CSMD1: variants seen among roughly 807,000 people sequenced by gnomAD.
CSMD1 encodes CUB and sushi domain-containing protein 1.
Under a neutral mutation model 417.5 loss-of-function variants are expected in CSMD1, and 213 were observed. That is an observed-to-expected ratio of 0.51 (90% CI 0.46 to 0.57). The LOEUF (loss-of-function observed/expected upper bound fraction) is 0.57, where lower values mean the gene tolerates loss of function less well. CSMD1 is among the 20% of genes least tolerant of loss of function. The probability of loss-of-function intolerance (pLI) is 0.00; values close to 1 mark genes in which losing one functional copy is unlikely to be tolerated. For missense variants in CSMD1, 6,923 were observed against 4,529.7 expected (o/e 1.53, Z -15.17); for synonymous variants, 2,862 against 1,736.8 (o/e 1.65, Z -16.11).
At chr8:3,493,318 G>A (rs1271088753) in intron 11 of CSMD1, among the ~76,000 whole-genome samples, 2 of 149,482 alleles carry the variant, frequency 1.3e-5, no homozygotes, top group African/African-American at 2.5e-5. Flanking sequence ...AAAAAGGGGG[G>A]GCGGAGGGGT....
intron 39 of CSMD1, among the ~76,000 whole-genome samples, chr8:3,155,157 C>T (rs1442439699): frequency 6.6e-6 from 1 of 151,876 alleles, no homozygotes; most frequent in Non-Finnish European, 1.5e-5. Context: ...TACAAAGTGA[C>T]AGCAAAGGCA....
chr8:4,694,512 T>C (rs184492722), intron 1 of CSMD1, among the ~76,000 whole-genome samples: 1 of 151,906 alleles, frequency 6.6e-6, no homozygotes, highest in Non-Finnish European at 1.5e-5. Context: ...TGTGTCACCA[T>C]GCCAGGCTAA....
chr8:4,031,531 T>G (rs1183002090), intron 4 of CSMD1, among the ~76,000 whole-genome samples: 1 of 152,192 alleles, frequency 6.6e-6, no homozygotes, highest in Non-Finnish European at 1.5e-5. Context: ...CATGTGGGAA[T>G]TGTGGGAACT....
intron 26 of CSMD1, among the ~76,000 whole-genome samples, 193 bp downstream of exon 26, chr8:3,283,951 C>T (rs1023822865): frequency 2.6e-5 from 4 of 152,240 alleles, no homozygotes; most frequent in East Asian, 1.9e-4. Context: ...CTTCTGTTAT[C>T]GTGGCCTCAG....
chr8:3,007,952 G>A (rs1446075369), intron 52 of CSMD1, among the ~76,000 whole-genome samples: 1 of 151,944 alleles, frequency 6.6e-6, no homozygotes, highest in Admixed American at 6.6e-5. Context: ...AAAAAAGAAA[G>A]CTTTGTTACT....
At chr8:4,127,308 A>G (rs1428336846) in intron 3 of CSMD1, among the ~76,000 whole-genome samples, 1 of 151,852 alleles carries the variant, frequency 6.6e-6, no homozygotes, top group Non-Finnish European at 1.5e-5. Context: ...CAGATTTCTT[A>G]TTCTAGACTT....
intron 3 of CSMD1, among the ~76,000 whole-genome samples, chr8:4,231,943 T>G (rs1757783442): frequency 6.6e-6 from 1 of 152,152 alleles, no homozygotes. Flanking sequence ...TCCTTCTTCC[T>G]TTTCTACCTC....
intron 1 of CSMD1, among the ~76,000 whole-genome samples, chr8:4,726,137 G>T (rs1262262445): frequency 6.6e-6 from 1 of 152,056 alleles, no homozygotes; most frequent in Non-Finnish European, 1.5e-5. Flanking sequence ...TCATCTGGGC[G>T]AGCCATTTGC....
At chr8:4,159,852 G>C (rs745629406) in intron 3 of CSMD1, among the ~76,000 whole-genome samples, 8 of 152,058 alleles carry the variant, frequency 5.3e-5, no homozygotes, top group Admixed American at 3.9e-4. Flanking sequence ...GAAAACTAAA[G>C]ACCGTATGTT....
chr8:4,858,547 G>A (rs1035606721), intron 1 of CSMD1, among the ~76,000 whole-genome samples: 10 of 152,108 alleles, frequency 6.6e-5, no homozygotes, highest in African/African-American at 2.4e-4. Flanking sequence ...TCCTTAAGCT[G>A]ATAAACAACT....
chr8:4,166,101 G>C (rs577009980), intron 3 of CSMD1, among the ~76,000 whole-genome samples: 85 of 152,214 alleles, frequency 5.6e-4, no homozygotes, highest in African/African-American at 1.9e-3. Flanking sequence ...TAATGATGAG[G>C]TCATAGAGCA....
intron 3 of CSMD1, among the ~76,000 whole-genome samples, chr8:4,220,288 C>A (rs1305870650): frequency 6.6e-6 from 1 of 152,146 alleles, no homozygotes; most frequent in Non-Finnish European, 1.5e-5. Flanking sequence ...TGAGGCCTTC[C>A]TGACAAGGTT....
At chr8:3,775,387 C>T (rs188556128) in intron 5 of CSMD1, among the ~76,000 whole-genome samples, 1 of 152,070 alleles carries the variant, frequency 6.6e-6, no homozygotes, top group Non-Finnish European at 1.5e-5. Flanking sequence ...AGGTAACAGG[C>T]CCAGGTACCT....
At position 3,829,866 on chromosome 8, in the gene CSMD1, A is replaced by G. The variant is rs146542571; in HGVS notation, c.819-75824T>C. On this transcript the variant is annotated intron_variant, in intron 5 of 69. Coordinates refer to ENST00000635120, the MANE Select transcript of CSMD1 (RefSeq NM_033225.6). The stretch of plus-strand genomic sequence containing the variant: ...CTTTTTGAATATTAATCCGCTTAGA[A>G]AACACTGTTATGTGAACATCTATCT... Among the ~76,000 whole-genome samples the G allele has an allele frequency of 2.3e-3, 353 of 152,284 alleles. 1 individual carries two copies. Among genetic ancestry groups the G allele is most frequent in the African/African-American group, 8.2e-3 (339 of 41,562 alleles).
intron 15 of CSMD1, among the ~76,000 whole-genome samples, chr8:3,403,701 T>G (rs1038433788): frequency 6.6e-6 from 1 of 152,178 alleles, no homozygotes; most frequent in Non-Finnish European, 1.5e-5. Flanking sequence ...TTCTTTCTCC[T>G]GAAAATTCAT....
At chr8:4,023,990 TAAAGGCTGACATATTTGACACTGC>T (rs1796932084) in intron 4 of CSMD1, among the ~76,000 whole-genome samples, 1 of 152,060 alleles carries the variant, frequency 6.6e-6, no homozygotes, top group Middle Eastern at 3.4e-3. Context: ...TAATTAAATA[TAAAGGCTGACATATTTGACACTGC>T]AAAGGTTCTA....
At chr8:4,443,914 A>G (rs984226325) in intron 2 of CSMD1, among the ~76,000 whole-genome samples, 12 of 152,154 alleles carry the variant, frequency 7.9e-5, no homozygotes, top group Admixed American at 3.3e-4. Context: ...AGGAGTCCTC[A>G]TAAGAAATGC....
At chr8:4,050,593 C>G (rs1174885022) in intron 3 of CSMD1, among the ~76,000 whole-genome samples, 3 of 151,942 alleles carry the variant, frequency 2.0e-5, no homozygotes, top group Non-Finnish European at 4.4e-5. Flanking sequence ...TCAAAATATA[C>G]AATTAAATTA....
chr8:3,394,710 C>T (rs1000305378), intron 17 of CSMD1, among the ~76,000 whole-genome samples: 3 of 152,086 alleles, frequency 2.0e-5, no homozygotes, highest in Non-Finnish European at 4.4e-5. Flanking sequence ...GCAATGTTTA[C>T]ACATATTGTT....
Sources: gnomAD v4.1 joint callset for allele counts (sites outside exome capture counted in the v4.1 genomes callset) on GRCh38, gnomAD v4.1.1 for gene constraint, MANE v1.5 for transcripts, NCBI Gene and HGNC (gene_info 2026-07-23, HGNC 2026-07-21) for gene names.